NCK1: variants seen among roughly 807,000 people sequenced by gnomAD.
The protein encoded by NCK1 is SH2/SH3 adapter protein NCK1.
NCK1 carries 19 observed loss-of-function variants against 36.6 expected under a neutral mutation model. That is an observed-to-expected ratio of 0.52 (90% confidence interval 0.36 to 0.76). The LOEUF (loss-of-function observed/expected upper bound fraction) is 0.76. Among genes scored for constraint, NCK1 ranks in the 30% least tolerant of loss-of-function variants. The pLI, the probability that NCK1 is intolerant of heterozygous loss-of-function variation, is 0.00. For missense variants in NCK1, 358 were observed against 445.6 expected, an observed-to-expected ratio of 0.80 and a Z score of 1.77; for synonymous variants, 165 against 156.0, an observed-to-expected ratio of 1.06 and a Z score of -0.43.
intron 1 of NCK1, among the ~76,000 whole-genome samples, chr3:136,886,898 C>T (rs1439578147): frequency 6.7e-6 from 1 of 149,728 alleles, no homozygotes; most frequent in African/African-American, 2.5e-5. Context: ...GGCTGGAATG[C>T]AATGGCACAA....
At chr3:136,931,549 TA>T (rs1054511633) in intron 2 of NCK1, among the ~76,000 whole-genome samples, 2 of 141,332 alleles carry the variant, frequency 1.4e-5, no homozygotes. Context: ...GGGGAGTTAC[TA>T]AAATTTCAGA....
At chr3:136,910,211 C>T (rs1939798435) in intron 1 of NCK1, among the ~76,000 whole-genome samples, 1 of 152,064 alleles carries the variant, frequency 6.6e-6, no homozygotes, top group African/African-American at 2.4e-5. Flanking sequence ...CCTTTTGTGT[C>T]TATTCAGTAG....
chr3:136,913,952 G>A (rs960352051), intron 1 of NCK1, among the ~76,000 whole-genome samples: 1 of 152,188 alleles, frequency 6.6e-6, no homozygotes, highest in African/African-American at 2.4e-5. Flanking sequence ...GAGCCACCAC[G>A]CCCAGCCGCA....
rs952567997 is a variant in NCK1 at position 136,950,946 on chromosome 3, C to T, written c.*2493C>T. On this transcript the variant is annotated 3_prime_UTR_variant, in exon 4 of 4. Coordinates refer to ENST00000481752, the MANE Select transcript of NCK1 (RefSeq NM_001291999.2). ...AATGCCATTGTGTCCCTTATTTAGT[C>T]ATAAAACCTTAGGATTCAGCTGAAT... Among the ~76,000 whole-genome samples, 1 of 152,066 alleles carries T rather than the reference C, an allele frequency of 6.6e-6. No individual in the cohort carries two copies. Among genetic ancestry groups the T allele is most frequent in the Admixed American group, 6.6e-5 (1 of 15,252 alleles).
intron 2 of NCK1, among the ~76,000 whole-genome samples, chr3:136,933,661 A>G (rs941853747): frequency 2.0e-5 from 3 of 152,102 alleles, no homozygotes; most frequent in Non-Finnish European, 4.4e-5. Context: ...TTTCCTTCCA[A>G]CTACAGCCAG....
intron 2 of NCK1, among the ~76,000 whole-genome samples, chr3:136,929,572 A>G (rs1357088945): frequency 6.6e-6 from 1 of 152,208 alleles, no homozygotes; most frequent in Non-Finnish European, 1.5e-5. Context: ...CAGGGTTAGA[A>G]TCAGCAATAC....
intron 1 of NCK1, among the ~76,000 whole-genome samples, chr3:136,891,581 AT>A (rs1277146982): frequency 6.6e-6 from 1 of 152,122 alleles, no homozygotes; most frequent in Admixed American, 6.6e-5. Context: ...TTGTATGGTA[AT>A]TTTGTTTCTA....
intron 1 of NCK1, among the ~76,000 whole-genome samples, chr3:136,895,439 T>C (rs1360265069): frequency 6.6e-6 from 1 of 151,930 alleles, no homozygotes; most frequent in Non-Finnish European, 1.5e-5. Flanking sequence ...TTTTAAAAAA[T>C]TGCCATACCA....
intron 1 of NCK1, among the ~76,000 whole-genome samples, chr3:136,898,722 C>T (rs762627225): frequency 8.5e-5 from 13 of 152,138 alleles, no homozygotes; most frequent in Non-Finnish European, 1.8e-4. Flanking sequence ...TAAAACTGAA[C>T]GGTTAACGTT....
intron 1 of NCK1, among the ~76,000 whole-genome samples, chr3:136,864,423 G>T (rs28672119): frequency 6.6e-6 from 1 of 151,830 alleles, no homozygotes. Context: ...CCCGGGAGTC[G>T]GAGGTTGCAG....
intron 2 of NCK1, among the ~76,000 whole-genome samples, chr3:136,941,386 T>C (rs899229443): frequency 6.6e-6 from 1 of 152,156 alleles, no homozygotes. Flanking sequence ...CACCTTGGCC[T>C]CCCAAAGTGC....
At chr3:136,944,864 A>G (rs1375225735) in intron 2 of NCK1, among the ~76,000 whole-genome samples, 1 of 152,216 alleles carries the variant, frequency 6.6e-6, no homozygotes, top group East Asian at 1.9e-4. Context: ...TGATAGTACC[A>G]TTTGGTGATT....
At chr3:136,898,236 A>G (rs1939439764) in intron 1 of NCK1, among the ~76,000 whole-genome samples, 1 of 152,038 alleles carries the variant, frequency 6.6e-6, no homozygotes, top group South Asian at 2.1e-4. Context: ...TCTCTACTAA[A>G]AATACAAAAA....
intron 1 of NCK1, among the ~76,000 whole-genome samples, chr3:136,920,214 A>G (rs1186603538): frequency 6.6e-6 from 1 of 152,176 alleles, no homozygotes; most frequent in African/African-American, 2.4e-5. Flanking sequence ...GGCTAGTCAG[A>G]AATAAAGGCT....
chr3:136,943,386 A>G (rs774048564), intron 2 of NCK1, among the ~76,000 whole-genome samples: 3 of 152,106 alleles, frequency 2.0e-5, no homozygotes, highest in Non-Finnish European at 4.4e-5. Flanking sequence ...TTTGGACATG[A>G]GTGTTGGGTT....
intron 1 of NCK1, among the ~76,000 whole-genome samples, chr3:136,922,972 G>A (rs1001581868): frequency 2.0e-5 from 3 of 152,100 alleles, no homozygotes; most frequent in East Asian, 1.9e-4. Flanking sequence ...TAATGATGAC[G>A]CACTCTGCAA....
intron 1 of NCK1, among the ~76,000 whole-genome samples, chr3:136,880,066 C>T (rs1214242311): frequency 2.7e-5 from 4 of 148,362 alleles, no homozygotes; most frequent in Admixed American, 1.4e-4. Context: ...GGGTGGATCA[C>T]GAGGTCAGGA....
chr3:136,950,685 C>G lies in NCK1; in HGVS notation c.*2232C>G, dbSNP rs1940948945. On this transcript the variant is annotated 3_prime_UTR_variant, in exon 4 of 4. Transcript: ENST00000481752. ...GTATAAGAAACCAAGTTTCCTTATTCCCAGCCTGGTGTCTGTATCGTGACA... is the reference window on the plus strand; with the variant it reads ...GTATAAGAAACCAAGTTTCCTTATTGCCAGCCTGGTGTCTGTATCGTGACA... 1.3e-5 allele frequency among the ~76,000 whole-genome samples: 2 copies of G among 152,116 alleles called. No individual in the cohort carries two copies. Among genetic ancestry groups the G allele is most frequent in the Non-Finnish European group, 2.9e-5 (2 of 68,000 alleles).
At chr3:136,899,467 A>G (rs1326346610) in intron 1 of NCK1, 1 of 301,254 alleles carries the variant, frequency 3.3e-6, no homozygotes, top group East Asian at 8.1e-5. Context: ...CTCATAGAGG[A>G]GTCTTTGTCA....
Sources: gnomAD v4.1 joint callset for allele counts (sites outside exome capture counted in the v4.1 genomes callset) on GRCh38, gnomAD v4.1.1 for gene constraint, MANE v1.5 for transcripts, NCBI Gene and HGNC (gene_info 2026-07-23, HGNC 2026-07-21) for gene names.